Variants in XRCC2 observed in about 807,000 individuals in gnomAD.
The protein encoded by XRCC2 is X-ray repair cross complementing 2.
Under a neutral mutation model 27.3 loss-of-function variants are expected in XRCC2, and 24 were observed. The observed-to-expected ratio is 0.88, with a 90% CI of 0.64 to 1.24. XRCC2 has a LOEUF of 1.24. XRCC2 is among the 50% of genes most tolerant of loss of function. XRCC2 has a pLI of 0.00. For missense variants in XRCC2, 321 were observed against 325.8 expected (o/e 0.99, Z 0.11); for synonymous variants, 106 against 115.4 (o/e 0.92, Z 0.52).
chr7:152,656,053 C>T (rs752886783), intron 2 of XRCC2, among the ~76,000 whole-genome samples: 2 of 151,956 alleles, frequency 1.3e-5, no homozygotes, highest in African/African-American at 2.4e-5. Flanking sequence ...CAACAGACAC[C>T]GGGGCCTGCT....
intron 1 of XRCC2, among the ~76,000 whole-genome samples, chr7:152,670,432 T>G (rs542189209): frequency 6.6e-6 from 1 of 152,230 alleles, no homozygotes; most frequent in South Asian, 2.1e-4. Context: ...ATGGGGAGTG[T>G]AAAGAACCTC....
chr7:152,665,564 T>A (rs976177001), intron 1 of XRCC2, among the ~76,000 whole-genome samples: 1 of 132,742 alleles, frequency 7.5e-6, no homozygotes, highest in African/African-American at 2.8e-5. Flanking sequence ...ACGATGAGAC[T>A]CAACCTCCCA....
At position 152,644,880 on chromosome 7, in the gene XRCC2, GATGTT is replaced by G. The variant is rs1395679900; in HGVS notation, c.*3757_*3761del. On this transcript the variant is annotated 3_prime_UTR_variant, in exon 3 of 3. Transcript: ENST00000359321. ...TGGAAAATGTAGTATTCCTACACGT[GATGTT>G]AACATCGTTCTCAACAGTTAGCCGA... The G allele has an allele frequency of 6.6e-6, 1 of 152,176 alleles. No homozygotes were observed. Among genetic ancestry groups the G allele is most frequent in the African/African-American group, 2.4e-5 (1 of 41,432 alleles). 9.4% of individuals were successfully genotyped at this position (152,176 alleles called of 1,614,324 possible). A position where few individuals can be genotyped will look rare whatever the true frequency, so the allele number is the denominator to read the frequency against.
At chr7:152,666,363 C>CTAATT (rs2098035658) in intron 1 of XRCC2, among the ~76,000 whole-genome samples, 4 of 152,108 alleles carry the variant, frequency 2.6e-5, no homozygotes, top group Admixed American at 2.6e-4. Flanking sequence ...AGGTGTGTGC[C>CTAATT]ACCAAACCCA....
intron 2 of XRCC2, among the ~76,000 whole-genome samples, 163 bp from the exon 3 acceptor site, chr7:152,649,526 A>C (rs973610343): frequency 7.9e-5 from 12 of 152,220 alleles, no homozygotes; most frequent in Non-Finnish European, 1.3e-4. Flanking sequence ...ACAATAAATA[A>C]GGAAATTAGA....
At chr7:152,669,485 T>G (rs1158171602) in intron 1 of XRCC2, among the ~76,000 whole-genome samples, 1 of 152,082 alleles carries the variant, frequency 6.6e-6, no homozygotes, top group African/African-American at 2.4e-5. Flanking sequence ...CTCGGCTCAC[T>G]GCAAGCCCCT....
intron 1 of XRCC2, among the ~76,000 whole-genome samples, chr7:152,673,957 C>T (rs1402005700): frequency 1.3e-5 from 2 of 152,160 alleles, no homozygotes; most frequent in Admixed American, 6.6e-5. Flanking sequence ...TCAACACAAT[C>T]CCTCCAAGTA....
chr7:152,648,926 A>C lies in XRCC2; in HGVS notation c.559T>G (p.Tyr187Asp). The C allele has an allele frequency of 6.2e-7, 1 of 1,614,218 alleles. No homozygotes were observed. Among genetic ancestry groups the C allele is most frequent in the Admixed American group, 1.7e-5 (1 of 60,004 alleles). Residue 187 changes from tyrosine to aspartate, a missense_variant, in exon 3 of 3, where the codon TAT becomes GAT. By Grantham distance (160) the Tyr-to-Asp change is radical (BLOSUM62 -3). Coordinates refer to ENST00000359321, the MANE Select transcript of XRCC2 (RefSeq NM_005431.2). ...SQCLEKLVNDYRLVLFATTQT... is the reference protein window; with the variant it reads ...SQCLEKLVNDDRLVLFATTQT... ...GTCGTTGCAAAAAGAACCAGGCGAT[A>C]GTCATTTACAAGCTTCTCTAAGCAC...
rs1483485037 is a variant in XRCC2, at chr7:152,646,024, A to C, written c.*2618T>G. ...GTAATGATTGGTGTGGATGGAGTTA[A>C]ATACACCATCTCCTCTGTGCTTTGG... On this transcript the variant is annotated 3_prime_UTR_variant, in exon 3 of 3. Coordinates refer to ENST00000359321, the MANE Select transcript of XRCC2 (RefSeq NM_005431.2). 1 of 152,184 alleles carries C rather than the reference A, an allele frequency of 6.6e-6. No individual in the cohort carries two copies. Among genetic ancestry groups the C allele is most frequent in the African/African-American group, 2.4e-5 (1 of 41,428 alleles). The allele number at this position is 152,184 out of a possible 1,614,324, so 9.4% of individuals were successfully genotyped here. A position where few individuals can be genotyped will look rare whatever the true frequency, so the allele number is the denominator to read the frequency against.
chr7:152,663,768 G>A (rs1406804650), intron 1 of XRCC2, among the ~76,000 whole-genome samples: 1 of 152,144 alleles, frequency 6.6e-6, no homozygotes, highest in Non-Finnish European at 1.5e-5. Context: ...GAGTCCAGGA[G>A]GTCGAGGCTG....
At chr7:152,654,851 A>T (rs1283404683) in intron 2 of XRCC2, among the ~76,000 whole-genome samples, 1 of 152,236 alleles carries the variant, frequency 6.6e-6, no homozygotes, top group African/African-American at 2.4e-5. Flanking sequence ...CAAGAGACAC[A>T]TGAATTATCA....
intron 1 of XRCC2, among the ~76,000 whole-genome samples, chr7:152,669,212 C>A (rs953709283): frequency 6.6e-6 from 1 of 152,034 alleles, no homozygotes; most frequent in Non-Finnish European, 1.5e-5. Flanking sequence ...CCCACCTCTA[C>A]AGAAAAATAA....
chr7:152,650,123 A>T (rs2098027901), intron 2 of XRCC2, among the ~76,000 whole-genome samples: 1 of 152,146 alleles, frequency 6.6e-6, no homozygotes, highest in African/African-American at 2.4e-5. Context: ...CTCCCTAATT[A>T]GGTTTCTCAG....
intron 2 of XRCC2, among the ~76,000 whole-genome samples, chr7:152,650,500 A>G (rs539976558): frequency 6.6e-6 from 1 of 152,288 alleles, no homozygotes; most frequent in African/African-American, 2.4e-5. Flanking sequence ...GTGGCATTCA[A>G]CTCTTGCTTG....
chr7:152,656,909 A>T lies in XRCC2; in HGVS notation c.121+3792T>A, dbSNP rs183789898. On this transcript the variant is annotated intron_variant, in intron 2 of 2. Coordinates refer to ENST00000359321, the MANE Select transcript of XRCC2 (RefSeq NM_005431.2). ...CTGAAATCCAAATGAGAAAATAAAG[A>T]GCACAGGGAAATGTAACTATCTAGG... 5.9e-4 allele frequency among the ~76,000 whole-genome samples: 90 copies of T among 152,326 alleles called. 1 individual carries two copies. The highest frequency in any genetic ancestry group is 1.0e-4 in the Non-Finnish European group (7 of 68,034).
chr7:152,658,139 T>C (rs561913545), intron 2 of XRCC2, among the ~76,000 whole-genome samples: 2 of 151,326 alleles, frequency 1.3e-5, no homozygotes, highest in South Asian at 4.2e-4. Flanking sequence ...GTAATTTTTC[T>C]TTTTCTTTTT....
chr7:152,655,934 C>T (rs1028366321), intron 2 of XRCC2, among the ~76,000 whole-genome samples: 2 of 151,944 alleles, frequency 1.3e-5, no homozygotes, highest in Non-Finnish European at 2.9e-5. Flanking sequence ...GAGCCGAGAT[C>T]GAGCTGCACT....
chr7:152,651,063 C>T (rs913448491), intron 2 of XRCC2, among the ~76,000 whole-genome samples: 3 of 151,980 alleles, frequency 2.0e-5, no homozygotes, highest in African/African-American at 7.2e-5. Flanking sequence ...CCTCAGCCTC[C>T]CGAGTAGCTG....
chr7:152,667,422 A>AG (rs2098036349), intron 1 of XRCC2, among the ~76,000 whole-genome samples: 2 of 65,558 alleles, frequency 3.1e-5, no homozygotes, highest in South Asian at 6.6e-4. Flanking sequence ...AAAAAAAAAA[A>AG]AAAAGAAAAA....
Sources: gnomAD v4.1 joint callset for allele counts (sites outside exome capture counted in the v4.1 genomes callset) on GRCh38, gnomAD v4.1.1 for gene constraint, MANE v1.5 for transcripts, NCBI Gene and HGNC (gene_info 2026-07-23, HGNC 2026-07-21) for gene names.